The following ZMAT4 variants were observed in gnomAD, a reference collection of about 807,000 sequenced individuals.
ZMAT4 encodes zinc finger matrin-type 4.
ZMAT4 carries 17 observed loss-of-function variants against 28.7 expected under a neutral mutation model. The ratio of observed to expected loss-of-function variants is 0.59; its 90% CI spans 0.41 to 0.89. The LOEUF (loss-of-function observed/expected upper bound fraction) is 0.89, where lower values mean the gene tolerates loss of function less well. ZMAT4 is among the 40% of genes least tolerant of loss of function. The pLI, the probability that ZMAT4 is intolerant of heterozygous loss-of-function variation, is 0.00. For synonymous variants in ZMAT4, 117 were observed against 109.2 expected, an observed-to-expected ratio of 1.07 and a Z score of -0.44; for missense variants, 240 against 283.8, an observed-to-expected ratio of 0.85 and a Z score of 1.11.
intron 5 of ZMAT4, among the ~76,000 whole-genome samples, chr8:40,671,819 A>G (rs1808681757): frequency 6.6e-6 from 1 of 152,216 alleles, no homozygotes; most frequent in South Asian, 2.1e-4. Flanking sequence ...ATCATTTTAA[A>G]AAATTAAAAC....
chr8:40,848,174 G>A (rs1816976435), intron 1 of ZMAT4, among the ~76,000 whole-genome samples: 3 of 152,220 alleles, frequency 2.0e-5, no homozygotes, highest in Non-Finnish European at 2.9e-5. Context: ...AGAAACAAAA[G>A]GAGAGGGCTT....
At chr8:40,859,359 T>C (rs1817408321) in intron 1 of ZMAT4, among the ~76,000 whole-genome samples, 1 of 152,098 alleles carries the variant, frequency 6.6e-6, no homozygotes, top group Non-Finnish European at 1.5e-5. Context: ...CTTCTGCCCT[T>C]TTTCCATCCT....
intron 5 of ZMAT4, among the ~76,000 whole-genome samples, chr8:40,662,415 A>C (rs1297140928): frequency 6.6e-6 from 1 of 152,148 alleles, no homozygotes; most frequent in Non-Finnish European, 1.5e-5. Context: ...AGCTGACTCT[A>C]ATGTTTAAAA....
In ZMAT4 at chr8:40,618,063, T is replaced by C. The variant is rs369347533; in HGVS notation, c.578-36802A>G. On this transcript the variant is annotated intron_variant, in intron 5 of 6. Coordinates refer to ENST00000297737, the MANE Select transcript of ZMAT4 (RefSeq NM_024645.3). ...GATGGAAACTAGCTGGATGTATGAG[T>C]TGGACTCATCATTGCTTTCTGTACA... Among the ~76,000 whole-genome samples the C allele has an allele frequency of 8.5e-5, 13 of 152,274 alleles. 1 individual carries two copies. Among genetic ancestry groups the C allele is most frequent in the African/African-American group, 2.9e-4 (12 of 41,530 alleles).
intron 3 of ZMAT4, among the ~76,000 whole-genome samples, chr8:40,754,391 T>A (rs1019847655): frequency 3.9e-5 from 6 of 152,116 alleles, no homozygotes; most frequent in Non-Finnish European, 8.8e-5. Context: ...TGTATCAGAT[T>A]CTAGGCATAA....
intron 5 of ZMAT4, among the ~76,000 whole-genome samples, chr8:40,610,786 G>T (rs1805765271): frequency 6.6e-6 from 1 of 151,316 alleles, no homozygotes. Flanking sequence ...GCATATCTTT[G>T]ATTCCGATGT....
At chr8:40,694,650 A>G (rs1476595375) in intron 4 of ZMAT4, among the ~76,000 whole-genome samples, 1 of 152,048 alleles carries the variant, frequency 6.6e-6, no homozygotes, top group African/African-American at 2.4e-5. Context: ...GGGACTCAAA[A>G]CAATATCTCA....
chr8:40,636,241 T>C (rs1042873914), intron 5 of ZMAT4, among the ~76,000 whole-genome samples: 1 of 152,232 alleles, frequency 6.6e-6, no homozygotes, highest in Non-Finnish European at 1.5e-5. Context: ...GCAGCCCTTT[T>C]CATCTTGAGA....
chr8:40,739,370 T>G (rs987056032), intron 3 of ZMAT4, among the ~76,000 whole-genome samples: 6 of 152,206 alleles, frequency 3.9e-5, no homozygotes, highest in Non-Finnish European at 8.8e-5. Context: ...AGCAGCCTGT[T>G]GAAGCCTAAA....
chr8:40,857,045 C>A (rs1419241842), intron 1 of ZMAT4, among the ~76,000 whole-genome samples: 1 of 152,156 alleles, frequency 6.6e-6, no homozygotes, highest in African/African-American at 2.4e-5. Flanking sequence ...AGATTTTCAG[C>A]AGCAAAAGAT....
intron 5 of ZMAT4, among the ~76,000 whole-genome samples, chr8:40,644,823 T>A (rs1250003908): frequency 6.6e-6 from 1 of 152,180 alleles, no homozygotes; most frequent in Non-Finnish European, 1.5e-5. Context: ...TATGATGTGA[T>A]GAAAATGGGA....
chr8:40,830,751 T>C (rs1015613841), intron 1 of ZMAT4, among the ~76,000 whole-genome samples: 1 of 152,210 alleles, frequency 6.6e-6, no homozygotes, highest in Non-Finnish European at 1.5e-5. Context: ...AAATAACTTC[T>C]GACTCAGAGA....
intron 1 of ZMAT4, among the ~76,000 whole-genome samples, chr8:40,881,429 A>C (rs866600812): frequency 3.3e-5 from 4 of 120,030 alleles, no homozygotes; most frequent in African/African-American, 1.4e-4. Context: ...AAAAAGAAGA[A>C]AGAGAGAAAG....
chr8:40,897,354 A>C (rs1281415295), intron 1 of ZMAT4, among the ~76,000 whole-genome samples: 4 of 152,046 alleles, frequency 2.6e-5, no homozygotes, highest in Non-Finnish European at 5.9e-5. Context: ...TGCACCAGGA[A>C]ACAGCACACC....
At chr8:40,785,956 C>A (rs2150575186) in intron 2 of ZMAT4, among the ~76,000 whole-genome samples, 1 of 152,074 alleles carries the variant, frequency 6.6e-6, no homozygotes, top group South Asian at 2.1e-4. Context: ...AAACGATGAC[C>A]ATTATTTTTT....
At chr8:40,820,911 A>ATGTGTGTGTTTG (rs1815792683) in intron 2 of ZMAT4, among the ~76,000 whole-genome samples, 2 of 127,102 alleles carry the variant, frequency 1.6e-5, no homozygotes, top group East Asian at 2.4e-4. Flanking sequence ...GTTTGTGTGT[A>ATGTGTGTGTTTG]TGTGTGTGGG....
intron 5 of ZMAT4, among the ~76,000 whole-genome samples, chr8:40,619,595 A>G (rs974214725): frequency 1.3e-5 from 2 of 152,208 alleles, no homozygotes; most frequent in Non-Finnish European, 2.9e-5. Context: ...ATTCTCTGAC[A>G]CAGAACAGGG....
At chr8:40,733,411 T>G (rs1362707494) in intron 3 of ZMAT4, among the ~76,000 whole-genome samples, 1 of 152,232 alleles carries the variant, frequency 6.6e-6, no homozygotes, top group African/African-American at 2.4e-5. Flanking sequence ...TAATTTGCAA[T>G]GCATGCCTAG....
intron 4 of ZMAT4, among the ~76,000 whole-genome samples, chr8:40,680,637 G>C (rs1259694255): frequency 6.6e-6 from 1 of 150,856 alleles, no homozygotes; most frequent in Non-Finnish European, 1.5e-5. Context: ...GGAGCCACAG[G>C]GTTCTCTGCC....
Sources: gnomAD v4.1 joint callset for allele counts (sites outside exome capture counted in the v4.1 genomes callset) on GRCh38, gnomAD v4.1.1 for gene constraint, MANE v1.5 for transcripts, NCBI Gene and HGNC (gene_info 2026-07-23, HGNC 2026-07-21) for gene names.